Variants in KCNN2 observed in about 807,000 individuals in gnomAD.
KCNN2 encodes the protein potassium calcium-activated channel subfamily N member 2.
Under a neutral mutation model 55.5 loss-of-function variants are expected in KCNN2, and 24 were observed. The observed-to-expected ratio is 0.43, with a 90% CI of 0.31 to 0.61. The LOEUF (loss-of-function observed/expected upper bound fraction) is 0.61, where lower values mean the gene tolerates loss of function less well. Ranked by LOEUF, KCNN2 falls within the 20% of genes least tolerant of loss-of-function variation. The pLI, the probability that KCNN2 is intolerant of heterozygous loss-of-function variation, is 0.08. For missense variants in KCNN2, 754 were observed against 853.6 expected (o/e 0.88, Z 1.45); for synonymous variants, 431 against 336.1 (o/e 1.28, Z -3.09).
chr5:114,159,112 C>T (rs1320209219), intron 1 of KCNN2, among the ~76,000 whole-genome samples: 1 of 152,108 alleles, frequency 6.6e-6, no homozygotes, highest in East Asian at 1.9e-4. Flanking sequence ...CGGTTTTTGT[C>T]CATTCAGTAT....
intron 1 of KCNN2, among the ~76,000 whole-genome samples, chr5:114,067,098 G>C (rs968455627): frequency 1.3e-5 from 2 of 152,166 alleles, no homozygotes; most frequent in Non-Finnish European, 2.9e-5. Context: ...CATAAGAAAT[G>C]TGCTAAATGA....
At chr5:114,458,292 A>G (rs1761020439) in intron 3 of KCNN2, among the ~76,000 whole-genome samples, 1 of 152,214 alleles carries the variant, frequency 6.6e-6, no homozygotes, top group Admixed American at 6.5e-5. Context: ...TTAATAGAAA[A>G]GGATTAATGA....
At chr5:114,215,036 G>A (rs189760563) in intron 1 of KCNN2, among the ~76,000 whole-genome samples, 28 of 152,258 alleles carry the variant, frequency 1.8e-4, no homozygotes, top group Admixed American at 1.6e-3. Context: ...CAAAACCACA[G>A]GCTTAGGAGG....
At chr5:114,475,707 A>C (rs1761934072) in intron 5 of KCNN2, among the ~76,000 whole-genome samples, 1 of 152,024 alleles carries the variant, frequency 6.6e-6, no homozygotes, top group Non-Finnish European at 1.5e-5. Context: ...AGAAAAATGC[A>C]CGTGTGCTTG....
Position 114,085,060 on chromosome 5 carries a change from A to G in KCNN2, c.-271+28560A>G, listed in dbSNP as rs1750985297. On this transcript the variant is annotated intron_variant, in intron 1 of 10. Coordinates refer to the KCNN2 transcript ENST00000512097. ...ATTGATTATATATAGAGACATATATATATATATATGTGTGTGTCTATTCTT... is the reference window on the plus strand; with the variant it reads ...ATTGATTATATATAGAGACATATATGTATATATATGTGTGTGTCTATTCTT... Among the ~76,000 whole-genome samples the G allele has an allele frequency of 9.9e-5, 15 of 151,022 alleles. No homozygotes were observed. In the South Asian group the frequency reaches 3.1e-3, roughly 32 times the overall value.
intron 2 of KCNN2, among the ~76,000 whole-genome samples, chr5:114,323,768 C>A (rs1292814213): frequency 2.0e-5 from 3 of 149,380 alleles, no homozygotes; most frequent in African/African-American, 7.4e-5. Flanking sequence ...GATTCTTCAG[C>A]CTCCCGAGTA....
chr5:114,090,598 C>T (rs574414790), intron 1 of KCNN2, among the ~76,000 whole-genome samples: 1 of 149,946 alleles, frequency 6.7e-6, no homozygotes, highest in South Asian at 2.1e-4. Flanking sequence ...CATATATATA[C>T]CACATATATA....
At chr5:114,440,352 A>G (rs1326797840) in intron 3 of KCNN2, among the ~76,000 whole-genome samples, 2 of 152,234 alleles carry the variant, frequency 1.3e-5, no homozygotes, top group African/African-American at 4.8e-5. Context: ...CAAAGGCAAA[A>G]TAAAGGCATT....
chr5:114,121,363 G>T (rs1029657219), intron 1 of KCNN2, among the ~76,000 whole-genome samples: 3 of 152,136 alleles, frequency 2.0e-5, no homozygotes, highest in African/African-American at 7.2e-5. Flanking sequence ...GTGCCCATGT[G>T]ATTGATGTGA....
chr5:114,423,656 TG>T (rs1759535066), intron 3 of KCNN2, among the ~76,000 whole-genome samples: 1 of 152,172 alleles, frequency 6.6e-6, no homozygotes, highest in Admixed American at 6.5e-5. Flanking sequence ...AATAAAAAAA[TG>T]GCATAGTGTT....
At chr5:114,195,594 A>G (rs1460746858) in intron 1 of KCNN2, among the ~76,000 whole-genome samples, 1 of 151,626 alleles carries the variant, frequency 6.6e-6, no homozygotes, top group African/African-American at 2.4e-5. Flanking sequence ...ATTACTTAGG[A>G]TTTTCTATAT....
chr5:114,379,194 C>T (rs961546863), intron 2 of KCNN2, among the ~76,000 whole-genome samples: 1 of 151,850 alleles, frequency 6.6e-6, no homozygotes, highest in Non-Finnish European at 1.5e-5. Context: ...CACCACTGTC[C>T]ACCTGGGGCC....
chr5:114,112,974 G>A (rs2112585529), intron 1 of KCNN2, among the ~76,000 whole-genome samples: 1 of 152,074 alleles, frequency 6.6e-6, no homozygotes, highest in East Asian at 1.9e-4. Context: ...AATAGCCAGA[G>A]TCTGAATTGC....
chr5:114,460,820 T>G (rs1484614401), intron 3 of KCNN2, among the ~76,000 whole-genome samples: 1 of 152,220 alleles, frequency 6.6e-6, no homozygotes, highest in African/African-American at 2.4e-5. Flanking sequence ...ATATGCATCA[T>G]GGAACCAGAG....
chr5:114,270,227 T>TTA (rs1755299684), intron 2 of KCNN2, among the ~76,000 whole-genome samples: 1 of 152,224 alleles, frequency 6.6e-6, no homozygotes, highest in African/African-American at 2.4e-5. Flanking sequence ...TACTCTCTAA[T>TTA]AAGTTCAGGC....
At chr5:114,153,886 T>C (rs1159979669) in intron 1 of KCNN2, among the ~76,000 whole-genome samples, 2 of 152,152 alleles carry the variant, frequency 1.3e-5, no homozygotes. Context: ...CTTGGAGGTT[T>C]AGTTGGTCTT....
chr5:114,163,720 G>C (rs1320950242), intron 1 of KCNN2, among the ~76,000 whole-genome samples: 2 of 152,126 alleles, frequency 1.3e-5, no homozygotes, highest in Non-Finnish European at 2.9e-5. Context: ...GGGGAGGAAG[G>C]ATGTGTGTCT....
chr5:114,434,248 A>G (rs939249307), intron 3 of KCNN2, among the ~76,000 whole-genome samples: 8 of 151,236 alleles, frequency 5.3e-5, no homozygotes, highest in South Asian at 2.1e-4. Flanking sequence ...TTCCTTCGCT[A>G]TAAACAGTCT....
chr5:114,456,401 C>CAAAA (rs1183805937), intron 3 of KCNN2, among the ~76,000 whole-genome samples: 3 of 151,618 alleles, frequency 2.0e-5, no homozygotes, highest in Admixed American at 2.0e-4. Flanking sequence ...AACAAACAAA[C>CAAAA]AAAAAAAGAC....
Sources: allele counts gnomAD v4.1 joint callset (sites outside exome capture counted in the v4.1 genomes callset), GRCh38; gene constraint gnomAD v4.1.1; transcripts MANE v1.5; gene names NCBI Gene and HGNC (gene_info 2026-07-23, HGNC 2026-07-21).